The following TLL1 variants were observed in gnomAD, a reference collection of about 807,000 sequenced individuals.
TLL1 encodes tolloid-like protein 1.
TLL1 carries 49 observed loss-of-function variants against 128.2 expected under a neutral mutation model. The ratio of observed to expected loss-of-function variants is 0.38; its 90% CI spans 0.30 to 0.48. The LOEUF (loss-of-function observed/expected upper bound fraction) is 0.48. Ranked by LOEUF, TLL1 falls within the 20% of genes least tolerant of loss-of-function variation. TLL1 has a pLI of 0.96. For missense variants in TLL1, 1,123 were observed against 1,242.0 expected (o/e 0.90, Z 1.44); for synonymous variants, 454 against 418.8 (o/e 1.08, Z -1.03).
At chr4:165,975,518 A>G (rs1225559825) in intron 1 of TLL1, among the ~76,000 whole-genome samples, 1 of 152,232 alleles carries the variant, frequency 6.6e-6, no homozygotes, top group Non-Finnish European at 1.5e-5. Flanking sequence ...TGAATGACTA[A>G]AAAAGAAATA....
rs76422204 is a variant in TLL1, at chr4:166,036,497, C to T, written c.1159-2842C>T. Among the ~76,000 whole-genome samples the T allele has an allele frequency of 1.2e-3, 181 of 152,140 alleles. 1 individual carries two copies. The highest frequency in any genetic ancestry group is 4.2e-3 in the African/African-American group (173 of 41,528). ...TTTGGGGAAAGATGCAATATGTTCA[C>T]GTAAAATAACATAATGTAAAACAAG... On this transcript the variant is annotated intron_variant, in intron 9 of 20. Coordinates refer to ENST00000061240, the MANE Select transcript of TLL1 (RefSeq NM_012464.5).
intron 12 of TLL1, among the ~76,000 whole-genome samples, chr4:166,051,156 A>G (rs1166141481): frequency 6.6e-6 from 1 of 152,182 alleles, no homozygotes; most frequent in South Asian, 2.1e-4. Flanking sequence ...GTGTTTAATT[A>G]TACAAGACAT....
intron 9 of TLL1, among the ~76,000 whole-genome samples, chr4:166,039,095 T>C (rs1739129323): frequency 6.6e-6 from 1 of 152,166 alleles, no homozygotes; most frequent in Admixed American, 6.5e-5. Flanking sequence ...TGCTAACATA[T>C]CTAGTTTGTT....
At chr4:165,877,693 C>T (rs956919270) in intron 1 of TLL1, among the ~76,000 whole-genome samples, 1 of 151,968 alleles carries the variant, frequency 6.6e-6, no homozygotes, top group African/African-American at 2.4e-5. Flanking sequence ...TAACACATAC[C>T]CTTCCTTCTC....
intron 18 of TLL1, among the ~76,000 whole-genome samples, chr4:166,084,205 C>G (rs1453404155): frequency 6.6e-6 from 1 of 152,038 alleles, no homozygotes; most frequent in Non-Finnish European, 1.5e-5. Context: ...AATGTCTATT[C>G]AAGTCCTTTG....
chr4:166,054,524 C>T (rs1739909763), intron 12 of TLL1, among the ~76,000 whole-genome samples: 1 of 151,328 alleles, frequency 6.6e-6, no homozygotes, highest in Non-Finnish European at 1.5e-5. Context: ...ACTAACTCGT[C>T]ATCTAGCATT....
At chr4:165,874,929 C>G (rs1730658104) in intron 1 of TLL1, 1 of 152,324 alleles carries the variant, frequency 6.6e-6, no homozygotes, top group Non-Finnish European at 1.5e-5. Context: ...GCCGCTACCA[C>G]GTGAGCGCAG....
intron 16 of TLL1, among the ~76,000 whole-genome samples, chr4:166,067,979 A>G (rs1453927049): frequency 1.3e-5 from 2 of 151,740 alleles, no homozygotes; most frequent in East Asian, 1.9e-4. Flanking sequence ...TTTCCTTATG[A>G]CCTGGAAAAC....
chr4:166,041,480 T>C (rs1042469083), intron 10 of TLL1, among the ~76,000 whole-genome samples: 1 of 151,962 alleles, frequency 6.6e-6, no homozygotes, highest in African/African-American at 2.4e-5. Flanking sequence ...TTTGTATTTT[T>C]AGTAGAGACA....
chr4:166,065,209 C>T (rs920095815), intron 15 of TLL1, among the ~76,000 whole-genome samples: 2 of 152,098 alleles, frequency 1.3e-5, no homozygotes, highest in African/African-American at 4.8e-5. Context: ...AACTTCACAG[C>T]ACTCAGCAAC....
intron 6 of TLL1, 52 bp from the exon 7 acceptor site, chr4:166,007,891 A>G (rs994304334): frequency 1.1e-5 from 13 of 1,214,746 alleles, no homozygotes; most frequent in Admixed American, 5.1e-5. Flanking sequence ...CTTCTGGTCT[A>G]TTTTCTGTCA....
rs1189622989 is a variant in TLL1 at position 166,103,130 on chromosome 4, G to A, written c.*2254G>A. 6.6e-6 allele frequency: 1 copy of A among 151,856 alleles called. No homozygotes were observed. Among genetic ancestry groups the A allele is most frequent in the Non-Finnish European group, 1.5e-5 (1 of 67,876 alleles). 9.4% of individuals were successfully genotyped at this position (151,856 alleles called of 1,614,324 possible). A position where few individuals can be genotyped will look rare whatever the true frequency, so the allele number is the denominator to read the frequency against. On this transcript the variant is annotated 3_prime_UTR_variant, in exon 21 of 21. Transcript: ENST00000061240. ...CCAGAGTCACAGTGTAAAGTTAGAT[G>A]TTGAAACCCAGTTTATCTTATACAA...
chr4:165,946,016 G>C (rs899900161), intron 1 of TLL1, among the ~76,000 whole-genome samples: 1 of 152,178 alleles, frequency 6.6e-6, no homozygotes, highest in Non-Finnish European at 1.5e-5. Flanking sequence ...AGAGAAATTA[G>C]AGAGAAATGA....
At position 165,878,191 on chromosome 4, in the gene TLL1, C is replaced by T. The variant is rs112624400; in HGVS notation, c.169+4118C>T. 5.0e-3 allele frequency among the ~76,000 whole-genome samples: 756 copies of T among 152,190 alleles called. 6 individuals carry two copies. The highest frequency in any genetic ancestry group is 0.017 in the African/African-American group (698 of 41,538). On this transcript the variant is annotated intron_variant, in intron 1 of 20. Coordinates refer to ENST00000061240, the MANE Select transcript of TLL1 (RefSeq NM_012464.5). ...ACTTTCTAGCTGAACTGGCCATTTT[C>T]GAATTTGATGTTCTTTTCCATATCT... is the stretch of plus-strand genomic sequence containing the variant.
intron 1 of TLL1, among the ~76,000 whole-genome samples, chr4:165,963,952 A>G (rs143173270): frequency 6.6e-6 from 1 of 152,258 alleles, no homozygotes; most frequent in Non-Finnish European, 1.5e-5. Context: ...CCATATCTTT[A>G]TGAGAGGTGT....
chr4:166,035,089 A>G (rs1738938889), intron 9 of TLL1, among the ~76,000 whole-genome samples: 1 of 152,208 alleles, frequency 6.6e-6, no homozygotes, highest in African/African-American at 2.4e-5. Flanking sequence ...AATTTCCAAC[A>G]TATGAATTTT....
chr4:166,055,215 A>G lies in TLL1; in HGVS notation c.1664A>G (p.Lys555Arg). The change falls in exon 13 of 21, where the codon AAG becomes AGG. Residue 555 changes from lysine to arginine, a missense_variant. Lys to Arg is a conservative substitution (Grantham distance 26). This residue lies in a region of TLL1 where 634 missense variants were observed against 672.4 expected (regional missense o/e 0.94). Transcript: ENST00000061240. ...IRSTSNTLWM[K>R]FVSDGTVNKA... is the part of the protein sequence containing the mutation. ...TCTACCTCCAATACTTTGTGGATGAAGTTTGTTTCTGACGGAACTGTGAAC... is the reference window on the plus strand; with the variant it reads ...TCTACCTCCAATACTTTGTGGATGAGGTTTGTTTCTGACGGAACTGTGAAC... 6.2e-7 allele frequency: 1 copy of G among 1,613,726 alleles called. No homozygotes were observed.
intron 14 of TLL1, 35 bp downstream of exon 14, chr4:166,057,344 C>A (rs1376824705): frequency 2.5e-6 from 4 of 1,612,068 alleles, no homozygotes; most frequent in Middle Eastern, 1.6e-4. Flanking sequence ...CCCCACCCCC[C>A]ACAATTATTT....
chr4:166,018,207 A>G (rs563923180), intron 8 of TLL1, among the ~76,000 whole-genome samples: 14 of 152,276 alleles, frequency 9.2e-5, no homozygotes, highest in African/African-American at 2.9e-4. Flanking sequence ...AGGACTTCCT[A>G]TTCAACAAAT....
Sources: allele counts gnomAD v4.1 joint callset (sites outside exome capture counted in the v4.1 genomes callset), GRCh38; gene constraint gnomAD v4.1.1; regional missense constraint gnomAD v4.1.1; transcripts MANE v1.5; gene names NCBI Gene and HGNC (gene_info 2026-07-23, HGNC 2026-07-21).